Variants in PCBP3 observed in about 807,000 individuals in gnomAD.
The protein encoded by PCBP3 is poly(rC) binding protein 3, also known as poly(rC)-binding protein 3.
Under a neutral mutation model 52.7 loss-of-function variants are expected in PCBP3, and 25 were observed. That is an observed-to-expected ratio of 0.47 (90% CI 0.35 to 0.66). The LOEUF is 0.66. Ranked by LOEUF, PCBP3 falls within the 30% of genes least tolerant of loss-of-function variation. The probability of loss-of-function intolerance (pLI) is 0.01; values close to 1 mark genes in which losing one functional copy is unlikely to be tolerated. For synonymous variants in PCBP3, 162 were observed against 183.0 expected, an observed-to-expected ratio of 0.89 and a Z score of 0.93; for missense variants, 391 against 490.3, an observed-to-expected ratio of 0.80 and a Z score of 1.91.
At chr21:45,803,138 A>C (rs2092370292) in intron 4 of PCBP3, among the ~76,000 whole-genome samples, 1 of 152,184 alleles carries the variant, frequency 6.6e-6, no homozygotes. Flanking sequence ...GTGTGCCTGC[A>C]GCTGTGTGGG....
intron 1 of PCBP3, among the ~76,000 whole-genome samples, chr21:45,654,699 A>G (rs1365360659): frequency 6.6e-6 from 1 of 152,096 alleles, no homozygotes; most frequent in African/African-American, 2.4e-5. Flanking sequence ...AATTCTTTCA[A>G]TTTACTTAAA....
chr21:45,772,927 ATTTG>A (rs1307834854), intron 4 of PCBP3, among the ~76,000 whole-genome samples: 1 of 151,810 alleles, frequency 6.6e-6, no homozygotes, highest in Non-Finnish European at 1.5e-5. Context: ...TAGTGGGACT[ATTTG>A]TTTTTTTCCC....
intron 4 of PCBP3, among the ~76,000 whole-genome samples, chr21:45,798,237 A>C (rs1271742882): frequency 7.0e-6 from 1 of 141,910 alleles, no homozygotes; most frequent in Non-Finnish European, 1.5e-5. Flanking sequence ...GGATGTGTAC[A>C]TGGATGAATG....
chr21:45,930,290 C>T (rs1041280186), intron 14 of PCBP3, among the ~76,000 whole-genome samples: 4 of 152,198 alleles, frequency 2.6e-5, no homozygotes, highest in African/African-American at 9.6e-5. Flanking sequence ...TGGGCAGTGC[C>T]CTGTGCTGCC....
At chr21:45,746,991 G>A (rs901677577) in intron 3 of PCBP3, among the ~76,000 whole-genome samples, 1 of 121,502 alleles carries the variant, frequency 8.2e-6, no homozygotes, top group Non-Finnish European at 1.9e-5. Flanking sequence ...TTGACGTAGC[G>A]CACACGGTGT....
At chr21:45,665,733 A>C (rs926535159) in intron 1 of PCBP3, among the ~76,000 whole-genome samples, 1 of 152,216 alleles carries the variant, frequency 6.6e-6, no homozygotes, top group Non-Finnish European at 1.5e-5. Flanking sequence ...CTATTCCAAA[A>C]AATTGAGGAG....
At chr21:45,937,161 G>A (rs549616128) in intron 16 of PCBP3, among the ~76,000 whole-genome samples, 4 of 152,238 alleles carry the variant, frequency 2.6e-5, no homozygotes, top group Non-Finnish European at 4.4e-5. Context: ...GTCCACGTCC[G>A]TCTCTTGGTC....
intron 2 of PCBP3, among the ~76,000 whole-genome samples, chr21:45,720,755 C>T (rs1252138896): frequency 6.6e-6 from 1 of 152,192 alleles, no homozygotes; most frequent in African/African-American, 2.4e-5. Context: ...GTGCAGATAA[C>T]GTCCAGCAGC....
intron 4 of PCBP3, among the ~76,000 whole-genome samples, chr21:45,847,462 C>T (rs2093840215): frequency 6.6e-6 from 1 of 152,262 alleles, no homozygotes; most frequent in Non-Finnish European, 1.5e-5. Flanking sequence ...TGTCAAATTT[C>T]CCAGTGGTCT....
intron 4 of PCBP3, 22 bp from the exon 5 acceptor site, chr21:45,849,939 G>A: frequency 1.3e-6 from 1 of 743,652 alleles, no homozygotes; most frequent in Non-Finnish European, 2.4e-6. Context: ...CGCTCACACA[G>A]CCCTGTGTTT....
chr21:45,914,038 C>A lies in PCBP3; in HGVS notation c.675+13C>A. 6.2e-7 allele frequency: 1 copy of A among 1,613,472 alleles called. No individual in the cohort carries two copies. Among genetic ancestry groups the A allele is most frequent in the Non-Finnish European group, 8.5e-7 (1 of 1,179,938 alleles). ...TGCAGGTGGTCAGGTAAGAGCCGAT[C>A]CGCTCGCGGCCTCCACTGCCAACCT... On this transcript the variant is annotated intron_variant, in intron 12 of 17. Transcript: ENST00000681687.
intron 4 of PCBP3, among the ~76,000 whole-genome samples, chr21:45,847,364 C>T (rs1603449826): frequency 6.6e-6 from 1 of 152,284 alleles, no homozygotes; most frequent in Middle Eastern, 3.4e-3. Flanking sequence ...GCATGCTTCC[C>T]GATAAGAAGC....
intron 1 of PCBP3, among the ~76,000 whole-genome samples, chr21:45,650,194 C>T (rs145262196): frequency 5.9e-5 from 9 of 151,924 alleles, no homozygotes; most frequent in South Asian, 2.1e-4. Context: ...AAAAATTAGC[C>T]GGGCATGGTG....
At chr21:45,869,769 C>T (rs2839028) in intron 5 of PCBP3, among the ~76,000 whole-genome samples, 54,208 of 152,064 alleles carry the variant, frequency 0.36, 11,284 homozygotes, top group East Asian at 0.67. Flanking sequence ...TCGCCACCAA[C>T]GTTGCATGCC....
intron 13 of PCBP3, among the ~76,000 whole-genome samples, chr21:45,922,790 G>C (rs2074630681): frequency 6.6e-6 from 1 of 152,258 alleles, no homozygotes; most frequent in Admixed American, 6.5e-5. Flanking sequence ...ACACGAGGAA[G>C]TGGAAGCTCT....
chr21:45,734,488 C>T (rs1280223218), intron 2 of PCBP3, among the ~76,000 whole-genome samples: 1 of 152,168 alleles, frequency 6.6e-6, no homozygotes, highest in Non-Finnish European at 1.5e-5. Context: ...TGCAGTGCAT[C>T]CTGATGAGAC....
intron 4 of PCBP3, among the ~76,000 whole-genome samples, chr21:45,799,242 T>G (rs2092185506): frequency 6.6e-6 from 1 of 152,226 alleles, no homozygotes; most frequent in African/African-American, 2.4e-5. Flanking sequence ...TTTTAATGCT[T>G]GTACACTTTT....
chr21:45,753,803 T>C (rs1417991611), intron 3 of PCBP3, among the ~76,000 whole-genome samples: 1 of 152,214 alleles, frequency 6.6e-6, no homozygotes, highest in African/African-American at 2.4e-5. Flanking sequence ...CTCACAGTGC[T>C]CACCTCTGAT....
intron 2 of PCBP3, among the ~76,000 whole-genome samples, chr21:45,689,174 C>T (rs1336902806): frequency 2.6e-5 from 4 of 151,796 alleles, no homozygotes; most frequent in African/African-American, 9.7e-5. Flanking sequence ...TATAAAAGTC[C>T]TTAATCACTG....
Sources: gnomAD v4.1 joint callset for allele counts (sites outside exome capture counted in the v4.1 genomes callset) on GRCh38, gnomAD v4.1.1 for gene constraint, MANE v1.5 for transcripts, NCBI Gene and HGNC (gene_info 2026-07-23, HGNC 2026-07-21) for gene names.